The following GPHN variants were observed in gnomAD, a reference collection of about 807,000 sequenced individuals.
The protein encoded by GPHN is gephyrin.
Under a neutral mutation model 95.5 loss-of-function variants are expected in GPHN, and 17 were observed. That is an observed-to-expected ratio of 0.18 (90% CI 0.12 to 0.27). The LOEUF (loss-of-function observed/expected upper bound fraction) is 0.27. GPHN is among the 10% of genes least tolerant of loss of function. The pLI is 1.00. For missense variants in GPHN, 660 were observed against 978.1 expected, an observed-to-expected ratio of 0.67 and a Z score of 4.34; for synonymous variants, 320 against 322.5, an observed-to-expected ratio of 0.99 and a Z score of 0.08.
chr14:66,653,680 A>ACAC (rs1431869955), intron 1 of GPHN, among the ~76,000 whole-genome samples: 1 of 152,208 alleles, frequency 6.6e-6, no homozygotes, highest in Non-Finnish European at 1.5e-5. Flanking sequence ...AAGTGGAATC[A>ACAC]CACCACATGT....
At chr14:66,609,487 T>C (rs1448898200) in intron 1 of GPHN, among the ~76,000 whole-genome samples, 1 of 152,168 alleles carries the variant, frequency 6.6e-6, no homozygotes, top group Non-Finnish European at 1.5e-5. Context: ...CATGTTGATA[T>C]CTCTAGTGAG....
the GPHN span, among the ~76,000 whole-genome samples, chr14:67,407,744 C>T: frequency 6.6e-6 from 1 of 152,128 alleles, no homozygotes; most frequent in African/African-American, 2.4e-5. Flanking sequence ...ACCCGGCAGA[C>T]CCCTAACTTT....
the GPHN span, chr14:67,573,192 G>A: frequency 1.2e-6 from 1 of 804,118 alleles, no homozygotes; most frequent in Non-Finnish European, 2.1e-6. This position sits in a 1 kb window ranked among gnomAD's most constrained non-coding sequence, Gnocchi z 4.8. Flanking sequence ...GAGTAGTGAG[G>A]CAGCTGGACC....
Position 66,559,097 on chromosome 14 carries a change from A to G in GPHN, c.64+50506A>G, listed in dbSNP as rs556743019. 2.4e-3 allele frequency among the ~76,000 whole-genome samples: 369 copies of G among 152,282 alleles called. 4 individuals carry two copies. The highest frequency in any genetic ancestry group is 8.3e-3 in the African/African-American group (347 of 41,572). On this transcript the variant is annotated intron_variant, in intron 1 of 22. Coordinates refer to ENST00000478722, the MANE Select transcript of GPHN (RefSeq NM_020806.5). The stretch of plus-strand genomic sequence containing the variant: ...ATTTTTTATGGCTGCATAGTATTCC[A>G]TGGTGTATATATTGCCACATTTTCT...
At chr14:67,474,514 A>G in the GPHN span, among the ~76,000 whole-genome samples, 7 of 152,264 alleles carry the variant, frequency 4.6e-5, no homozygotes, top group Non-Finnish European at 1.0e-4. Context: ...AAACAGTTCC[A>G]TGTCACTCAT....
chr14:67,301,518 T>C, the GPHN span: 1 of 1,379,076 alleles, frequency 7.3e-7, no homozygotes, highest in Non-Finnish European at 1.0e-6. Context: ...ATTCTTCTAT[T>C]TTTTTAAATC....
intron 5 of GPHN, among the ~76,000 whole-genome samples, chr14:66,892,355 C>T (rs1177333498): frequency 2.0e-5 from 3 of 152,062 alleles, no homozygotes; most frequent in Admixed American, 2.0e-4. Context: ...CCCCGGAATT[C>T]GAGGTTACAG....
At chr14:67,224,951 C>A in the GPHN span, 4 of 579,490 alleles carry the variant, frequency 6.9e-6, no homozygotes, top group East Asian at 3.4e-5. Flanking sequence ...AGAATAAATA[C>A]ATTTTTGATG....
the GPHN span, among the ~76,000 whole-genome samples, chr14:67,314,526 A>T: frequency 1.3e-5 from 2 of 152,206 alleles, no homozygotes; most frequent in African/African-American, 2.4e-5. Flanking sequence ...GATTCTTCAG[A>T]GTAACAGTTA....
intron 1 of GPHN, among the ~76,000 whole-genome samples, chr14:66,573,490 T>C (rs2060780355): frequency 6.6e-6 from 1 of 151,738 alleles, no homozygotes; most frequent in Non-Finnish European, 1.5e-5. Flanking sequence ...TCTCGCTCTG[T>C]TGCCCAGGCT....
At chr14:67,124,894 G>T (rs1039015507) in intron 17 of GPHN, among the ~76,000 whole-genome samples, 2 of 151,764 alleles carry the variant, frequency 1.3e-5, no homozygotes, top group Non-Finnish European at 2.9e-5. Flanking sequence ...AAACATCATT[G>T]AAAGGCCAAC....
chr14:66,862,695 A>G (rs960008405), intron 4 of GPHN, among the ~76,000 whole-genome samples: 1 of 152,122 alleles, frequency 6.6e-6, no homozygotes, highest in Non-Finnish European at 1.5e-5. Context: ...TACATCATAC[A>G]TCCTATCAAC....
intron 1 of GPHN, among the ~76,000 whole-genome samples, chr14:66,581,013 A>G (rs747172588): frequency 3.3e-5 from 5 of 151,856 alleles, no homozygotes; most frequent in Admixed American, 2.0e-4. Flanking sequence ...TTCAACATTT[A>G]CAAGTTGATA....
At chr14:67,464,042 C>T in the GPHN span, among the ~76,000 whole-genome samples, 1 of 151,992 alleles carries the variant, frequency 6.6e-6, no homozygotes, top group Non-Finnish European at 1.5e-5. Flanking sequence ...GGTTAGTGTG[C>T]ATGAGGTGGC....
the GPHN span, among the ~76,000 whole-genome samples, chr14:67,606,606 G>A: frequency 6.6e-6 from 1 of 151,054 alleles, no homozygotes; most frequent in African/African-American, 2.5e-5. Context: ...AGATTTCAAA[G>A]GAAAGGTAAA....
chr14:66,546,833 T>C (rs2059622297), intron 1 of GPHN, among the ~76,000 whole-genome samples: 1 of 151,858 alleles, frequency 6.6e-6, no homozygotes, highest in South Asian at 2.1e-4. Flanking sequence ...GGGCCGCGTG[T>C]AACCTTTGTA....
intron 1 of GPHN, among the ~76,000 whole-genome samples, chr14:66,589,631 C>G (rs979803952): frequency 2.6e-5 from 4 of 152,178 alleles, no homozygotes; most frequent in Non-Finnish European, 4.4e-5. Context: ...CAAGAGCTAA[C>G]TATCCTAAAT....
In GPHN at chr14:67,163,238, G is replaced by A. The variant is rs113502984; in HGVS notation, c.1911-1924G>A. ...GGAGGATTGCTTGAGCCCAGGAGAT[G>A]GAGACTGCAGTGAGCCATGATTGAG... On this transcript the variant is annotated intron_variant, in intron 19 of 22. Coordinates refer to ENST00000478722, the MANE Select transcript of GPHN (RefSeq NM_020806.5). 3.0e-3 allele frequency among the ~76,000 whole-genome samples: 463 copies of A among 152,122 alleles called. 5 individuals are homozygous for A. The highest frequency in any genetic ancestry group is 0.011 in the African/African-American group (446 of 41,486).
chr14:66,969,176 A>T (rs980912889), intron 9 of GPHN: 9 of 152,188 alleles, frequency 5.9e-5, no homozygotes, highest in African/African-American at 2.2e-4. Flanking sequence ...TATATCATAT[A>T]TTTTCTTTTA....
Sources: allele counts gnomAD v4.1 joint callset (sites outside exome capture counted in the v4.1 genomes callset), GRCh38; gene constraint gnomAD v4.1.1; non-coding constraint Gnocchi (gnomAD v3.1); transcripts MANE v1.5; gene names NCBI Gene and HGNC (gene_info 2026-07-23, HGNC 2026-07-21).